The following KCNIP4 variants were observed in gnomAD, a reference collection of about 807,000 sequenced individuals.
The protein encoded by KCNIP4 is Kv channel-interacting protein 4.
A neutral mutation model predicts 34.0 loss-of-function variants in KCNIP4; 12 were observed. The ratio of observed to expected loss-of-function variants is 0.35; its 90% CI spans 0.23 to 0.57. KCNIP4 has a LOEUF of 0.57. Among genes scored for constraint, KCNIP4 ranks in the 20% least tolerant of loss-of-function variants. The probability of loss-of-function intolerance (pLI) is 0.83; values close to 1 mark genes in which losing one functional copy is unlikely to be tolerated. For missense variants in KCNIP4, 238 were observed against 311.7 expected (o/e 0.76, Z 1.78); for synonymous variants, 124 against 102.2 (o/e 1.21, Z -1.29).
At chr4:20,913,362 T>A (rs1318913576) in intron 1 of KCNIP4, among the ~76,000 whole-genome samples, 1 of 152,136 alleles carries the variant, frequency 6.6e-6, no homozygotes, top group Non-Finnish European at 1.5e-5. Context: ...AGCTGATGAA[T>A]GTTAGCCAGG....
chr4:21,309,611 G>T (rs1000144038), intron 1 of KCNIP4, among the ~76,000 whole-genome samples: 1 of 152,114 alleles, frequency 6.6e-6, no homozygotes, highest in South Asian at 2.1e-4. Context: ...ACTTTATATG[G>T]ATTATTTCAC....
chr4:21,338,560 T>C (rs1004214703), intron 1 of KCNIP4, among the ~76,000 whole-genome samples: 1 of 151,576 alleles, frequency 6.6e-6, no homozygotes, highest in African/African-American at 2.4e-5. Flanking sequence ...TGAGCTGGGA[T>C]TGCGCCATTG....
chr4:21,746,954 T>C (rs1232195497), intron 1 of KCNIP4, among the ~76,000 whole-genome samples: 1 of 152,192 alleles, frequency 6.6e-6, no homozygotes, highest in East Asian at 1.9e-4. Flanking sequence ...GGTATTGCAG[T>C]TTTAAAATTT....
chr4:21,897,266 T>C (rs1456830537), intron 1 of KCNIP4, among the ~76,000 whole-genome samples: 1 of 152,166 alleles, frequency 6.6e-6, no homozygotes, highest in Admixed American at 6.5e-5. Flanking sequence ...TTTTCCTTTT[T>C]GCCTATGTTT....
intron 1 of KCNIP4, among the ~76,000 whole-genome samples, chr4:21,317,839 G>A (rs1022594002): frequency 6.6e-6 from 1 of 152,146 alleles, no homozygotes; most frequent in Admixed American, 6.5e-5. Context: ...AAAAACAGGA[G>A]TCTTCCTGCA....
intron 1 of KCNIP4, among the ~76,000 whole-genome samples, chr4:20,886,715 T>C (rs917264625): frequency 2.6e-5 from 4 of 152,188 alleles, no homozygotes; most frequent in Non-Finnish European, 4.4e-5. Flanking sequence ...AGGGCCATAG[T>C]GTATCACTGA....
chr4:21,923,584 AT>A (rs1191212922), intron 1 of KCNIP4, among the ~76,000 whole-genome samples: 1 of 152,106 alleles, frequency 6.6e-6, no homozygotes, highest in African/African-American at 2.4e-5. Context: ...CTGTCCCTAA[AT>A]AAATAAATAA....
At position 21,360,386 on chromosome 4, in the gene KCNIP4, G is replaced by T. The variant is rs559305342; in HGVS notation, c.62-477677C>A. ...GCGACAAAAAACAAGAATATAAAGAGGCTTGCTTATCTATTGAAGTAAAAG... is the reference window on the plus strand; with the variant it reads ...GCGACAAAAAACAAGAATATAAAGATGCTTGCTTATCTATTGAAGTAAAAG... On this transcript the variant is annotated intron_variant, in intron 1 of 8. Transcript: ENST00000382152. 2.5e-3 allele frequency among the ~76,000 whole-genome samples: 383 copies of T among 152,042 alleles called. 1 individual carries two copies. Among genetic ancestry groups the T allele is most frequent in the African/African-American group, 8.9e-3 (370 of 41,516 alleles).
chr4:21,105,577 T>G (rs1748442042), intron 1 of KCNIP4, among the ~76,000 whole-genome samples: 1 of 151,664 alleles, frequency 6.6e-6, no homozygotes, highest in Admixed American at 6.5e-5. Flanking sequence ...CCTAATTGAA[T>G]ACCATTTATT....
Position 21,350,476 on chromosome 4 carries a change from A to G in KCNIP4, c.62-467767T>C, listed in dbSNP as rs555072113. Among the ~76,000 whole-genome samples the G allele has an allele frequency of 8.5e-5, 13 of 152,320 alleles. 1 individual carries two copies. The South Asian group carries it at 2.7e-3, about 32-fold the overall frequency. On this transcript the variant is annotated intron_variant, in intron 1 of 8. Coordinates refer to ENST00000382152, the MANE Select transcript of KCNIP4 (RefSeq NM_025221.6). ...TTTATCTGGCAAGTACAAGGCATGA[A>G]ACAAACTTCTGGACTCTTTTCTCTT...
chr4:21,636,808 G>A (rs1746208392), intron 1 of KCNIP4, among the ~76,000 whole-genome samples: 1 of 152,144 alleles, frequency 6.6e-6, no homozygotes. Flanking sequence ...CAAAGCAGAA[G>A]CTACAACAAA....
chr4:21,636,852 T>C (rs1259237592), intron 1 of KCNIP4, among the ~76,000 whole-genome samples: 1 of 152,192 alleles, frequency 6.6e-6, no homozygotes, highest in Non-Finnish European at 1.5e-5. Context: ...ACTGGGCAAT[T>C]CGACAGAATT....
At chr4:21,494,303 A>C (rs1258668042) in intron 1 of KCNIP4, among the ~76,000 whole-genome samples, 1 of 152,204 alleles carries the variant, frequency 6.6e-6, no homozygotes, top group East Asian at 1.9e-4. Flanking sequence ...AGATGTTATA[A>C]GGATTGACTT....
chr4:20,816,336 T>C (rs1716385426), intron 3 of KCNIP4, among the ~76,000 whole-genome samples: 1 of 152,084 alleles, frequency 6.6e-6, no homozygotes, highest in Non-Finnish European at 1.5e-5. Context: ...TGTTCCTTTT[T>C]TGAGAGGTAG....
intron 1 of KCNIP4, among the ~76,000 whole-genome samples, chr4:20,984,526 C>T (rs553527776): frequency 6.6e-6 from 1 of 152,140 alleles, no homozygotes; most frequent in African/African-American, 2.4e-5. Flanking sequence ...TGAAAGCCCC[C>T]GTGGAAGTCT....
chr4:21,131,142 G>T (rs1324103914), intron 1 of KCNIP4, among the ~76,000 whole-genome samples: 1 of 152,024 alleles, frequency 6.6e-6, no homozygotes, highest in Non-Finnish European at 1.5e-5. Flanking sequence ...TAACCAAAAA[G>T]CAAAAGCAAT....
intron 2 of KCNIP4, among the ~76,000 whole-genome samples, chr4:20,865,779 A>G (rs550670698): frequency 6.6e-6 from 1 of 152,164 alleles, no homozygotes; most frequent in Admixed American, 6.6e-5. Context: ...CTAAATTACA[A>G]CATGAAAATT....
intron 1 of KCNIP4, among the ~76,000 whole-genome samples, chr4:21,389,677 A>C (rs1722368584): frequency 6.6e-6 from 1 of 151,988 alleles, no homozygotes; most frequent in East Asian, 1.9e-4. Flanking sequence ...TATATGTGCC[A>C]CATTTTCTTA....
intron 1 of KCNIP4, among the ~76,000 whole-genome samples, chr4:21,457,746 CA>C (rs1168072645): frequency 1.3e-4 from 19 of 151,992 alleles, no homozygotes. Flanking sequence ...GGGTCACTAT[CA>C]AAAAGCAAAT....
Sources: allele counts gnomAD v4.1 joint callset (sites outside exome capture counted in the v4.1 genomes callset), GRCh38; gene constraint gnomAD v4.1.1; transcripts MANE v1.5; gene names NCBI Gene and HGNC (gene_info 2026-07-23, HGNC 2026-07-21).